RSF1: variants seen among roughly 807,000 people sequenced by gnomAD.
RSF1 encodes HBV pX-associated protein 8.
Under a neutral mutation model 145.2 loss-of-function variants are expected in RSF1, and 13 were observed. That is an observed-to-expected ratio of 0.09 (90% CI 0.06 to 0.14). The LOEUF (loss-of-function observed/expected upper bound fraction) is 0.14, where lower values mean the gene tolerates loss of function less well. RSF1 is among the 10% of genes least tolerant of loss of function. The pLI is 1.00. For synonymous variants in RSF1, 577 were observed against 592.6 expected, an observed-to-expected ratio of 0.97 and a Z score of 0.38; for missense variants, 1,517 against 1,718.2, an observed-to-expected ratio of 0.88 and a Z score of 2.07.
rs555003387 is a variant in RSF1, at chr11:77,665,525, CAT to C, written c.*1390_*1391del. 1.1e-3 allele frequency: 163 copies of C among 152,272 alleles called. 1 individual carries two copies. The highest frequency in any genetic ancestry group is 3.8e-3 in the African/African-American group (159 of 41,568). The allele number at this position is 152,272 out of a possible 1,614,324, so 9.4% of individuals were successfully genotyped here. On this transcript the variant is annotated 3_prime_UTR_variant, in exon 16 of 16. Coordinates refer to ENST00000308488, the MANE Select transcript of RSF1 (RefSeq NM_016578.4). The stretch of plus-strand genomic sequence containing the variant: ...AAAGTTCATATTTTAGTGTCAATTA[CAT>C]GTTAGGTATTTAGTTAGTTACAAAC...
chr11:77,774,091 CTCT>C (rs1226945652), intron 1 of RSF1, among the ~76,000 whole-genome samples: 2 of 152,220 alleles, frequency 1.3e-5, no homozygotes, highest in African/African-American at 2.4e-5. Flanking sequence ...TATCTTCTAT[CTCT>C]TCTTCTTTCT....
intron 1 of RSF1, among the ~76,000 whole-genome samples, chr11:77,788,616 A>G (rs1948485392): frequency 6.6e-6 from 1 of 152,122 alleles, no homozygotes; most frequent in Non-Finnish European, 1.5e-5. Flanking sequence ...TATAATGAAA[A>G]TAACAGTCGT....
chr11:77,699,231 A>G (rs1960354514), intron 6 of RSF1, among the ~76,000 whole-genome samples: 2 of 152,336 alleles, frequency 1.3e-5, no homozygotes, highest in South Asian at 4.1e-4. Context: ...TAAATTTTAA[A>G]TTTTAAATAA....
intron 1 of RSF1, among the ~76,000 whole-genome samples, chr11:77,797,192 T>C (rs889671225): frequency 6.6e-6 from 1 of 152,116 alleles, no homozygotes; most frequent in Non-Finnish European, 1.5e-5. Flanking sequence ...AAAAAGAGCC[T>C]GCATAGCCAA....
chr11:77,764,206 A>G (rs531557740), intron 2 of RSF1: 3 of 167,898 alleles, frequency 1.8e-5, no homozygotes, highest in South Asian at 3.2e-4. Context: ...CCTCTGTTCT[A>G]TATAACAGAG....
intron 5 of RSF1, among the ~76,000 whole-genome samples, chr11:77,704,905 C>T (rs1037644409): frequency 6.6e-6 from 1 of 152,258 alleles, no homozygotes; most frequent in African/African-American, 2.4e-5. Flanking sequence ...GCATGCACCA[C>T]TACGCCCGGC....
chr11:77,771,598 A>G (rs1948286534), intron 1 of RSF1, among the ~76,000 whole-genome samples: 1 of 152,182 alleles, frequency 6.6e-6, no homozygotes, highest in Admixed American at 6.6e-5. Context: ...TAAGTTTTTA[A>G]AAGATCACTC....
chr11:77,847,842 G>A, the RSF1 span, among the ~76,000 whole-genome samples: 2 of 152,156 alleles, frequency 1.3e-5, no homozygotes, highest in South Asian at 2.1e-4. Context: ...TGACTTGTCC[G>A]TGATCTGCTG....
At chr11:77,741,006 A>G in intron 3 of RSF1, 70 bp from the exon 4 acceptor site, 1 of 1,135,270 alleles carries the variant, frequency 8.8e-7, no homozygotes, top group Non-Finnish European at 1.3e-6. Flanking sequence ...ATATGATACA[A>G]CCGTAGAATT....
At chr11:77,736,746 G>A (rs1345501099) in intron 4 of RSF1, among the ~76,000 whole-genome samples, 1 of 152,132 alleles carries the variant, frequency 6.6e-6, no homozygotes, top group East Asian at 1.9e-4. Flanking sequence ...TCCGTCCCCA[G>A]AAAATACGCA....
chr11:77,787,211 C>T (rs1451603356), intron 1 of RSF1, among the ~76,000 whole-genome samples: 2 of 152,266 alleles, frequency 1.3e-5, no homozygotes, highest in South Asian at 2.1e-4. Context: ...GGTCTATGAA[C>T]AAGGCCTGCC....
chr11:77,765,680 G>C (rs1250064316), intron 1 of RSF1, among the ~76,000 whole-genome samples: 1 of 152,186 alleles, frequency 6.6e-6, no homozygotes, highest in African/African-American at 2.4e-5. Context: ...TATTATTTAG[G>C]CATGGTCTGA....
At chr11:77,842,740 T>C in the RSF1 span, 16 of 1,413,846 alleles carry the variant, frequency 1.1e-5, no homozygotes, top group African/African-American at 1.7e-4. Context: ...TTTTGAGATA[T>C]AATTCATATA....
chr11:77,667,681 CTTTA>C (rs1959405690), intron 15 of RSF1, among the ~76,000 whole-genome samples, 190 bp from the exon 16 acceptor site: 3 of 152,040 alleles, frequency 2.0e-5, no homozygotes, highest in South Asian at 2.1e-4. Context: ...TCATGGTGTA[CTTTA>C]TTTATGATTT....
At position 77,734,814 on chromosome 11, in the gene RSF1, C is replaced by T. The variant is rs540163608; in HGVS notation, c.578+5917G>A. 2.5e-6 allele frequency: 4 copies of T among 1,595,392 alleles called. No homozygotes were observed. In the South Asian group the frequency reaches 3.3e-5, roughly 13 times the overall value. Reference sequence around the variant, plus strand: ...GGCCACCTCGTTGGTTCTGCAGCTTCATCAGTTTCTCAGCATGCTCCCTCT... The same window carrying T: ...GGCCACCTCGTTGGTTCTGCAGCTTTATCAGTTTCTCAGCATGCTCCCTCT... On this transcript the variant is annotated intron_variant, in intron 4 of 15. Coordinates refer to ENST00000308488, the MANE Select transcript of RSF1 (RefSeq NM_016578.4).
At chr11:77,803,521 G>C (rs935796211) in intron 1 of RSF1, among the ~76,000 whole-genome samples, 1 of 148,784 alleles carries the variant, frequency 6.7e-6, no homozygotes, top group Non-Finnish European at 1.5e-5. Flanking sequence ...GCTCATGCCT[G>C]TAATCCCAGC....
chr11:77,820,151 G>C (rs1948842365), intron 1 of RSF1, among the ~76,000 whole-genome samples: 1 of 152,176 alleles, frequency 6.6e-6, no homozygotes, highest in Non-Finnish European at 1.5e-5. Context: ...CGCAAAGCTG[G>C]CCGGAACCTG....
chr11:77,739,301 T>G (rs1292019848), intron 4 of RSF1: 2 of 152,660 alleles, frequency 1.3e-5, no homozygotes, highest in Non-Finnish European at 2.9e-5. Context: ...ACTGTCATAT[T>G]TTCTTCATCT....
At chr11:77,783,599 TA>T (rs539129296) in intron 1 of RSF1, among the ~76,000 whole-genome samples, 38 of 152,274 alleles carry the variant, frequency 2.5e-4, no homozygotes, top group African/African-American at 7.7e-4. Flanking sequence ...CCCAGCGCTT[TA>T]GGAGGCTGAG....
Sources: gnomAD v4.1 joint callset for allele counts (sites outside exome capture counted in the v4.1 genomes callset) on GRCh38, gnomAD v4.1.1 for gene constraint, MANE v1.5 for transcripts, NCBI Gene and HGNC (gene_info 2026-07-23, HGNC 2026-07-21) for gene names.